The following PLS3 variants were observed in gnomAD, a reference collection of about 807,000 sequenced individuals.
The protein encoded by PLS3 is plastin 3.
In PLS3, 11 loss-of-function variants were observed where a neutral mutation model predicts 46.5. That is an observed-to-expected ratio of 0.24 (90% CI 0.15 to 0.39). PLS3 has a LOEUF of 0.39. PLS3 is among the 10% of genes least tolerant of loss of function. PLS3 has a pLI of 1.00. For synonymous variants in PLS3, 167 were observed against 162.2 expected (o/e 1.03, Z -0.22); for missense variants, 308 against 461.8 (o/e 0.67, Z 3.05).
At chrX:115,631,853 G>C (rs1419232143) in intron 5 of PLS3, among the ~76,000 whole-genome samples, 2 of 111,551 alleles carry the variant, frequency 1.8e-5, no homozygotes, top group African/African-American at 6.5e-5. Flanking sequence ...GCCCAGGCTG[G>C]AGTGTAGTGG....
intron 1 of PLS3, among the ~76,000 whole-genome samples, chrX:115,575,014 C>T (rs1320586291): frequency 8.9e-6 from 1 of 111,925 alleles, no homozygotes; most frequent in African/African-American, 3.2e-5. Context: ...AGCACTCTAC[C>T]CCTGCAACCC....
rs1417047361 is a variant in PLS3 at position 115,635,178 on chromosome X, G to GT, written c.748+134dup. 2.8e-5 allele frequency: 14 copies of GT among 508,054 alleles called. No homozygotes were observed. The African/African-American group carries it at 3.3e-4, about 12-fold the overall frequency. The allele number at this position is 508,054 out of a possible 1,213,427, so 41.9% of individuals were successfully genotyped here. A position where few individuals can be genotyped will look rare whatever the true frequency, so the allele number is the denominator to read the frequency against. On this transcript the variant is annotated intron_variant, in intron 7 of 15. Coordinates refer to ENST00000355899, the MANE Select transcript of PLS3 (RefSeq NM_005032.7). The stretch of plus-strand genomic sequence containing the variant: ...AATGAACATAAGGTAATGCTATAGA[G>GT]TTATTCAGGAAAATAGCCTAATTAC...
intron 1 of PLS3, among the ~76,000 whole-genome samples, chrX:115,569,263 G>A (rs1454265825): frequency 9.0e-6 from 1 of 110,530 alleles, no homozygotes; most frequent in East Asian, 2.8e-4. Flanking sequence ...TGTTAATGGG[G>A]GAAGGGAGAC....
chrX:115,643,514 T>C lies in PLS3; in HGVS notation c.1183+6T>C. 9.2e-7 allele frequency: 1 copy of C among 1,082,855 alleles called. No homozygotes were observed. The highest frequency in any genetic ancestry group is 2.5e-4 in the Middle Eastern group (1 of 4,054). 89.2% of individuals were successfully genotyped at this position (1,082,855 alleles called of 1,213,427 possible). A position where few individuals can be genotyped will look rare whatever the true frequency, so the allele number is the denominator to read the frequency against. ...TGACTGGACTCTATTAGAAGGTAAC[T>C]AAAAACCTCAATTTCGAATGTGTGG... On this transcript the variant is annotated splice_donor_region_variant and intron_variant, in intron 10 of 15. Transcript: ENST00000355899.
At chrX:115,635,934 G>A (rs990760428) in intron 7 of PLS3, among the ~76,000 whole-genome samples, 5 of 108,679 alleles carry the variant, frequency 4.6e-5, no homozygotes, top group Non-Finnish European at 5.7e-5. Flanking sequence ...AGGTTGCAGC[G>A]AGCCGAGATC....
chrX:115,576,128 A>T (rs1398824619), intron 1 of PLS3, among the ~76,000 whole-genome samples: 7 of 112,474 alleles, frequency 6.2e-5, no homozygotes, highest in Non-Finnish European at 1.3e-4. Flanking sequence ...GGCCATAATG[A>T]TAAGTAAATT....
chrX:115,607,002 C>T (rs1376468722), intron 1 of PLS3, among the ~76,000 whole-genome samples: 2 of 110,327 alleles, frequency 1.8e-5, no homozygotes, highest in African/African-American at 6.6e-5. Flanking sequence ...CCTGTAATAC[C>T]AGCACTTTGG....
chrX:115,608,666 C>T (rs1008572948), intron 1 of PLS3, among the ~76,000 whole-genome samples: 3 of 111,731 alleles, frequency 2.7e-5, no homozygotes, highest in Non-Finnish European at 5.6e-5. Flanking sequence ...TATACGGATA[C>T]CATTGCATTA....
chrX:115,598,796 A>T (rs1556634184), intron 1 of PLS3, among the ~76,000 whole-genome samples: 1 of 111,941 alleles, frequency 8.9e-6, no homozygotes, highest in East Asian at 2.8e-4. Context: ...TGTAGGAATG[A>T]ATGTGTCATA....
chrX:115,636,509 A>C (rs782338423), intron 7 of PLS3, among the ~76,000 whole-genome samples: 1 of 111,916 alleles, frequency 8.9e-6, no homozygotes, highest in East Asian at 2.8e-4. Flanking sequence ...CCCAGACCCA[A>C]ATCCTTGACT....
chrX:115,610,405 T>C, intron 2 of PLS3, 82 bp downstream of exon 2: 1 of 480,528 alleles, frequency 2.1e-6, no homozygotes, highest in Non-Finnish European at 3.5e-6. Flanking sequence ...ATCACATGAA[T>C]GGTTAATCAA....
At chrX:115,596,642 G>A (rs1421681450) in intron 1 of PLS3, among the ~76,000 whole-genome samples, 1 of 111,083 alleles carries the variant, frequency 9.0e-6, no homozygotes, top group African/African-American at 3.3e-5. Flanking sequence ...TTCGAGACAA[G>A]TCTGGCCCAC....
intron 4 of PLS3, 24 bp downstream of exon 4, chrX:115,629,351 T>C: frequency 8.6e-7 from 1 of 1,169,352 alleles, no homozygotes; most frequent in Non-Finnish European, 1.2e-6. Flanking sequence ...ATGCAATAGG[T>C]TAACACAATG....
At chrX:115,566,935 C>T (rs1320310582) in intron 1 of PLS3, among the ~76,000 whole-genome samples, 1 of 112,181 alleles carries the variant, frequency 8.9e-6, no homozygotes. Context: ...CCTTGGCCTC[C>T]CAGAGTGCTG....
At chrX:115,640,038 A>G in intron 8 of PLS3, 1 of 782,395 alleles carries the variant, frequency 1.3e-6, no homozygotes, top group Non-Finnish European at 1.9e-6. Context: ...TAACCTGTTT[A>G]TTTTCTCTTT....
intron 1 of PLS3, among the ~76,000 whole-genome samples, chrX:115,583,562 C>G (rs1416628228): frequency 2.7e-5 from 3 of 112,483 alleles, no homozygotes; most frequent in Non-Finnish European, 5.6e-5. Flanking sequence ...ATCTGAAATT[C>G]TTCATGGATG....
At chrX:115,580,703 T>C (rs981339711) in intron 1 of PLS3, among the ~76,000 whole-genome samples, 2 of 111,946 alleles carry the variant, frequency 1.8e-5, no homozygotes, top group Non-Finnish European at 3.8e-5. Flanking sequence ...TTCTAGGATT[T>C]TGAGAGGAAT....
intron 1 of PLS3, among the ~76,000 whole-genome samples, chrX:115,581,116 A>G (rs1207057391): frequency 9.0e-6 from 1 of 111,525 alleles, no homozygotes; most frequent in Non-Finnish European, 1.9e-5. Flanking sequence ...AATCACTAAT[A>G]TGTTTTTGAA....
intron 1 of PLS3, among the ~76,000 whole-genome samples, chrX:115,566,839 T>C (rs112717917): frequency 0.025 from 2,742 of 110,320 alleles, 30 homozygotes; most frequent in South Asian, 0.05. Context: ...CCACCACGCC[T>C]GGCTAATTTT....
Sources: allele counts gnomAD v4.1 joint callset (sites outside exome capture counted in the v4.1 genomes callset), GRCh38; gene constraint gnomAD v4.1.1; transcripts MANE v1.5; gene names NCBI Gene and HGNC (gene_info 2026-07-23, HGNC 2026-07-21).